Variants in AGO3 observed in about 807,000 individuals in gnomAD.
AGO3 encodes the protein protein argonaute-3.
In AGO3, 16 loss-of-function variants were observed where a neutral mutation model predicts 105.5. The ratio of observed to expected loss-of-function variants is 0.15; its 90% confidence interval spans 0.10 to 0.23. The LOEUF is 0.23. AGO3 is among the 10% of genes least tolerant of loss of function. The pLI, the probability that AGO3 is intolerant of heterozygous loss-of-function variation, is 1.00. For synonymous variants in AGO3, 340 were observed against 367.3 expected, an observed-to-expected ratio of 0.93 and a Z score of 0.85; for missense variants, 534 against 1,088.0, an observed-to-expected ratio of 0.49 and a Z score of 7.16.
intron 14 of AGO3, among the ~76,000 whole-genome samples, chr1:36,039,528 A>G (rs1642162521): frequency 6.8e-6 from 1 of 146,746 alleles, no homozygotes; most frequent in South Asian, 2.2e-4. Context: ...AGAGAAAGAG[A>G]GAGAGATGGG....
At position 36,057,256 on chromosome 1, in the gene AGO3, GTT is replaced by G. The variant is rs1217258134; in HGVS notation, c.*1513_*1514del. On this transcript the variant is annotated 3_prime_UTR_variant, in exon 19 of 19. Coordinates refer to ENST00000373191, the MANE Select transcript of AGO3 (RefSeq NM_024852.4). ...CCTCTGAAATTGAGTAGAGAGAAGA[GTT>G]TGTTGAGGGATTTTTTTGTTTTGTT... The G allele has an allele frequency of 6.6e-6, 1 of 151,704 alleles. No homozygotes were observed. The highest frequency in any genetic ancestry group is 1.5e-5 in the Non-Finnish European group (1 of 67,984). The allele number at this position is 151,704 out of a possible 1,614,324, so 9.4% of individuals were successfully genotyped here.
chr1:36,062,768 C>CA lies in AGO3; in HGVS notation c.*7029dup, dbSNP rs1557721981. The stretch of plus-strand genomic sequence containing the variant: ...GACTAAAAGCAAACAACAACAACAA[C>CA]AAAAAATACCACACCTCAGTAACCT... On this transcript the variant is annotated 3_prime_UTR_variant, in exon 19 of 19. Coordinates refer to ENST00000373191, the MANE Select transcript of AGO3 (RefSeq NM_024852.4). 2 of 151,668 alleles carry CA rather than the reference C, an allele frequency of 1.3e-5. No individual in the cohort carries two copies. The highest frequency in any genetic ancestry group is 4.8e-5 in the African/African-American group (2 of 41,348). The allele number at this position is 151,668 out of a possible 1,614,324, so 9.4% of individuals were successfully genotyped here. A position where few individuals can be genotyped will look rare whatever the true frequency, so the allele number is the denominator to read the frequency against.
At chr1:36,033,542 G>A (rs1280143542) in intron 12 of AGO3, among the ~76,000 whole-genome samples, 7 of 151,580 alleles carry the variant, frequency 4.6e-5, no homozygotes, top group African/African-American at 1.7e-4. Context: ...CCACTTGGGA[G>A]GCTGAGGCAA....
Position 35,971,918 on chromosome 1 carries a change from C to T in AGO3, c.313-106C>T, listed in dbSNP as rs1025597508. 5.5e-6 allele frequency: 6 copies of T among 1,092,956 alleles called. No individual in the cohort carries two copies. The East Asian group carries it at 1.6e-4, about 28-fold the overall frequency. The allele number at this position is 1,092,956 out of a possible 1,614,324, so 67.7% of individuals were successfully genotyped here. A position where few individuals can be genotyped will look rare whatever the true frequency, so the allele number is the denominator to read the frequency against. ...AAAATGGTATATTTTAGTCTATTGA[C>T]TTTATTTTTGCCATGTTTTCTCTTA... is the stretch of plus-strand genomic sequence containing the variant. On this transcript the variant is annotated intron_variant, in intron 3 of 18. Transcript: ENST00000373191.
intron 12 of AGO3, among the ~76,000 whole-genome samples, chr1:36,030,117 T>G (rs1313859666): frequency 2.0e-5 from 3 of 152,188 alleles, no homozygotes; most frequent in Non-Finnish European, 4.4e-5. Flanking sequence ...AAAACCTTCT[T>G]TTTTTAGATT....
intron 1 of AGO3, among the ~76,000 whole-genome samples, chr1:35,934,797 C>T (rs565259272): frequency 1.6e-4 from 24 of 152,104 alleles, no homozygotes; most frequent in Admixed American, 7.9e-4. Context: ...ATTACAGGCG[C>T]GCACCACCAT....
intron 5 of AGO3, chr1:35,984,664 C>A (rs1290258671): frequency 6.6e-6 from 1 of 152,168 alleles, no homozygotes; most frequent in African/African-American, 2.4e-5. Flanking sequence ...ACGAAAGCTC[C>A]ATGAAGGGAT....
chr1:36,022,946 A>G (rs1641315287), intron 11 of AGO3, among the ~76,000 whole-genome samples: 1 of 72,012 alleles, frequency 1.4e-5, no homozygotes, highest in African/African-American at 5.1e-5. Context: ...AAAAAAAAAC[A>G]AAAAAAAAAG....
chr1:36,016,634 C>T (rs1338127067), intron 11 of AGO3, among the ~76,000 whole-genome samples: 1 of 151,926 alleles, frequency 6.6e-6, no homozygotes, highest in Non-Finnish European at 1.5e-5. Context: ...TGTCAGTCAC[C>T]ATCATAAACT....
At chr1:35,957,125 A>G (rs1321333278) in intron 2 of AGO3, among the ~76,000 whole-genome samples, 1 of 151,908 alleles carries the variant, frequency 6.6e-6, no homozygotes, top group African/African-American at 2.4e-5. Context: ...CAAGGTGGGC[A>G]GATCACTTGA....
intron 11 of AGO3, among the ~76,000 whole-genome samples, chr1:36,024,013 C>T (rs1641370466): frequency 1.3e-5 from 2 of 152,140 alleles, no homozygotes; most frequent in African/African-American, 4.8e-5. Flanking sequence ...TCCATTCTCT[C>T]CCCTCCCTTG....
At chr1:35,963,949 T>C (rs762720448) in intron 2 of AGO3, among the ~76,000 whole-genome samples, 1 of 151,226 alleles carries the variant, frequency 6.6e-6, no homozygotes, top group Non-Finnish European at 1.5e-5. Context: ...AATTCAGCTC[T>C]AGATATATTC....
At chr1:35,968,830 A>G (rs1306486900) in intron 3 of AGO3, among the ~76,000 whole-genome samples, 1 of 151,398 alleles carries the variant, frequency 6.6e-6, no homozygotes, top group Admixed American at 6.6e-5. Flanking sequence ...TGGCTCCATC[A>G]TTTTACATTC....
At chr1:35,959,463 G>A (rs1047379929) in intron 2 of AGO3, among the ~76,000 whole-genome samples, 2 of 152,130 alleles carry the variant, frequency 1.3e-5, no homozygotes, top group African/African-American at 4.8e-5. Flanking sequence ...TTAGTGAAAG[G>A]AAGCCACTAA....
At chr1:35,952,990 A>G (rs775269317) in intron 2 of AGO3, among the ~76,000 whole-genome samples, 15 of 152,190 alleles carry the variant, frequency 9.9e-5, no homozygotes, top group Non-Finnish European at 1.9e-4. Flanking sequence ...ATTTTTGACT[A>G]CTACAAATAA....
chr1:35,956,231 T>C (rs943923346), intron 2 of AGO3, among the ~76,000 whole-genome samples: 2 of 152,150 alleles, frequency 1.3e-5, no homozygotes, highest in African/African-American at 4.8e-5. Flanking sequence ...AAGGAAAGGA[T>C]AGAGATAAGA....
intron 2 of AGO3, among the ~76,000 whole-genome samples, chr1:35,956,682 C>G (rs895464869): frequency 6.6e-6 from 1 of 150,702 alleles, no homozygotes; most frequent in African/African-American, 2.4e-5. Flanking sequence ...GCTCTGTCGC[C>G]CAGGTTGGAA....
chr1:36,019,954 T>C (rs1297458503), intron 11 of AGO3, among the ~76,000 whole-genome samples: 1 of 152,178 alleles, frequency 6.6e-6, no homozygotes, highest in Admixed American at 6.5e-5. Context: ...ATTTTTTAAG[T>C]AGAGACAGGC....
At chr1:35,965,374 C>G (rs1056404968) in intron 2 of AGO3, among the ~76,000 whole-genome samples, 1 of 151,322 alleles carries the variant, frequency 6.6e-6, no homozygotes, top group Admixed American at 6.6e-5. Flanking sequence ...CCTGTAATCT[C>G]AGCTACTTGG....
Sources: gnomAD v4.1 joint callset for allele counts (sites outside exome capture counted in the v4.1 genomes callset) on GRCh38, gnomAD v4.1.1 for gene constraint, MANE v1.5 for transcripts, NCBI Gene and HGNC (gene_info 2026-07-23, HGNC 2026-07-21) for gene names.